ZNF292: variants seen among roughly 807,000 people sequenced by gnomAD.
ZNF292 encodes zinc finger protein 292, also known as 16 zinc-finger domain protein.
Under a neutral mutation model 217.9 loss-of-function variants are expected in ZNF292, and 26 were observed. The observed-to-expected ratio is 0.12, with a 90% CI of 0.09 to 0.17. The LOEUF (loss-of-function observed/expected upper bound fraction) is 0.17. Among genes scored for constraint, ZNF292 ranks in the 10% least tolerant of loss-of-function variants. The pLI, the probability that ZNF292 is intolerant of heterozygous loss-of-function variation, is 1.00. For missense variants in ZNF292, 2,904 were observed against 3,175.2 expected, an observed-to-expected ratio of 0.91 and a Z score of 2.05; for synonymous variants, 1,257 against 1,124.1, an observed-to-expected ratio of 1.12 and a Z score of -2.37.
At chr6:87,235,234 C>CAT (rs10690319) in intron 5 of ZNF292, among the ~76,000 whole-genome samples, 96,104 of 151,766 alleles carry the variant, frequency 0.63, 32,068 homozygotes, top group African/African-American at 0.86. Context: ...TCACCTTTGA[C>CAT]GTGTTGTAAC....
intron 1 of ZNF292, among the ~76,000 whole-genome samples, chr6:87,172,057 C>CT (rs1771116179): frequency 6.6e-6 from 1 of 152,190 alleles, no homozygotes; most frequent in Admixed American, 6.5e-5. Flanking sequence ...TGGGCAATCT[C>CT]TTTTTCTTCA....
At chr6:87,242,966 C>T (rs1337219320) in intron 5 of ZNF292, among the ~76,000 whole-genome samples, 2 of 151,974 alleles carry the variant, frequency 1.3e-5, no homozygotes, top group East Asian at 3.8e-4. Flanking sequence ...AAAAGTGGTA[C>T]AGTTACATAA....
At chr6:87,213,353 G>C (rs959245216) in intron 1 of ZNF292, among the ~76,000 whole-genome samples, 2 of 152,140 alleles carry the variant, frequency 1.3e-5, no homozygotes, top group Non-Finnish European at 2.9e-5. Flanking sequence ...TACTTTCTGC[G>C]GAAAGGGTGC....
chr6:87,224,529 A>G (rs1773244621), intron 4 of ZNF292, among the ~76,000 whole-genome samples: 2 of 151,834 alleles, frequency 1.3e-5, no homozygotes, highest in Non-Finnish European at 2.9e-5. Flanking sequence ...TCTATCTGCC[A>G]TCTCTATAGT....
At chr6:87,240,135 C>T (rs558036048) in intron 5 of ZNF292, among the ~76,000 whole-genome samples, 17 of 151,888 alleles carry the variant, frequency 1.1e-4, no homozygotes, top group South Asian at 4.2e-4. Flanking sequence ...AGATCACTCG[C>T]GGTTAGGAGC....
chr6:87,256,472 A>C lies in ZNF292; in HGVS notation c.2843A>C (p.Glu948Ala). Residue 948 changes from glutamate to alanine, a missense_variant, in exon 8 of 8, where the codon GAG becomes GCG. Coordinates refer to ENST00000369577, the MANE Select transcript of ZNF292 (RefSeq NM_015021.3). ...AAGGTGTCTCTCAATCAGGGGATTG[A>C]GGATAACTTTGGAAAGCAAGAAAAC... ...SIKVSLNQGI[E>A]DNFGKQENST... 2 of 1,609,698 alleles carry C rather than the reference A, an allele frequency of 1.2e-6. No individual in the cohort carries two copies. Among genetic ancestry groups the C allele is most frequent in the Non-Finnish European group, 1.7e-6 (2 of 1,179,810 alleles).
At chr6:87,192,732 G>A (rs1771854496) in intron 1 of ZNF292, among the ~76,000 whole-genome samples, 1 of 152,144 alleles carries the variant, frequency 6.6e-6, no homozygotes, top group Admixed American at 6.5e-5. Context: ...TCATGTGAAT[G>A]TTTCCATGAG....
chr6:87,190,327 G>C (rs1179752257), intron 1 of ZNF292, among the ~76,000 whole-genome samples: 1 of 152,148 alleles, frequency 6.6e-6, no homozygotes, highest in African/African-American at 2.4e-5. Context: ...TCTTAGAAGT[G>C]AATATTGTTA....
At chr6:87,174,445 T>C (rs1771214719) in intron 1 of ZNF292, 1 of 152,282 alleles carries the variant, frequency 6.6e-6, no homozygotes, top group Non-Finnish European at 1.5e-5. Flanking sequence ...AAGTAACTGC[T>C]GCAGAACAGT....
At chr6:87,201,399 G>A (rs893161434) in intron 1 of ZNF292, among the ~76,000 whole-genome samples, 2 of 152,052 alleles carry the variant, frequency 1.3e-5, no homozygotes, top group African/African-American at 4.8e-5. Flanking sequence ...AAAGTTTGTT[G>A]TTGTTGTTTT....
At chr6:87,172,758 T>C (rs1378828019) in intron 1 of ZNF292, among the ~76,000 whole-genome samples, 4 of 151,740 alleles carry the variant, frequency 2.6e-5, no homozygotes, top group African/African-American at 7.3e-5. Flanking sequence ...ATAAAAAATA[T>C]TAGCTGGGCG....
intron 1 of ZNF292, among the ~76,000 whole-genome samples, 181 bp downstream of exon 1, chr6:87,155,940 G>A (rs1355431140): frequency 5.9e-5 from 9 of 152,336 alleles, no homozygotes; most frequent in South Asian, 2.1e-4. Flanking sequence ...GGTTGTTGTC[G>A]TCTGCAGCTC....
rs1048864366 is a variant in ZNF292 at position 87,255,093 on chromosome 6, G to A, written c.1464G>A (p.Glu488=). 5 of 1,613,460 alleles carry A rather than the reference G, an allele frequency of 3.1e-6. No individual in the cohort carries two copies. The Admixed American group carries it at 5.0e-5, about 16-fold the overall frequency. Residue 488 remains glutamate, a synonymous_variant, in exon 8 of 8, where the codon GAG becomes GAA. Transcript: ENST00000369577. The part of the protein sequence containing the change: ...VYEKVVDYQE[E]SKETSMNGLS... ...AAAAAGTGGTAGACTACCAAGAAGAGAGTAAAGAAACTTCTATGAATGGGC... is the reference window on the plus strand; with the variant it reads ...AAAAAGTGGTAGACTACCAAGAAGAAAGTAAAGAAACTTCTATGAATGGGC...
At chr6:87,233,628 T>G in intron 5 of ZNF292, 101 bp downstream of exon 5, 1 of 1,484,126 alleles carries the variant, frequency 6.7e-7, no homozygotes, top group Non-Finnish European at 8.9e-7. Context: ...AGCGAAGAGA[T>G]CATTGTCAAT....
chr6:87,258,247 G>A lies in ZNF292; in HGVS notation c.4618G>A (p.Val1540Ile). The A allele has an allele frequency of 5.0e-6, 8 of 1,612,828 alleles. No homozygotes were observed. The highest frequency in any genetic ancestry group is 6.8e-6 in the Non-Finnish European group (8 of 1,179,524). ...AACTGTACCACCCCTGTTGCACACT[G>A]TATGCCATCCAAACACCTTGCTGAC... ...NPTVPPLLHT[V>I]CHPNTLLTNQ... The change falls in exon 8 of 8, where the codon GTA (valine) becomes ATA (isoleucine). Residue 1540 changes from valine to isoleucine, a missense_variant. By Grantham distance (29) the Val-to-Ile change is conservative. Around this residue, in one of 15 missense-constraint regions of ZNF292, gnomAD observed 622 missense variants for 573.1 expected, o/e 1.09. Transcript: ENST00000369577.
At chr6:87,186,108 T>C (rs997850532) in intron 1 of ZNF292, among the ~76,000 whole-genome samples, 6 of 152,210 alleles carry the variant, frequency 3.9e-5, no homozygotes, top group Admixed American at 3.9e-4. Flanking sequence ...GTCTCAACCT[T>C]GTAGTCATGC....
chr6:87,259,750 GA>G lies in ZNF292; in HGVS notation c.6126del (p.Lys2042AsnfsTer4). The G allele has an allele frequency of 6.2e-7, 1 of 1,602,954 alleles. No individual in the cohort carries two copies. The highest frequency in any genetic ancestry group is 8.5e-7 in the Non-Finnish European group (1 of 1,174,642). ...NTHSNVAVIP[E>X]KQLVEKKSPD... ...CCACAGTAATGTAGCAGTGATCCCA[GA>G]AAAACAACTTGTAGAAAAAAAAAGT... On this transcript the variant is annotated frameshift_variant, in exon 8 of 8. Transcript: ENST00000369577. LOFTEE classifies it high-confidence loss of function.
intron 1 of ZNF292, among the ~76,000 whole-genome samples, chr6:87,197,579 A>T (rs777031580): frequency 1.3e-5 from 2 of 149,308 alleles, no homozygotes; most frequent in African/African-American, 2.5e-5. Context: ...TACTAAAAAT[A>T]AAAAAAAATT....
chr6:87,238,355 A>G (rs1013238660), intron 5 of ZNF292, among the ~76,000 whole-genome samples: 1 of 151,986 alleles, frequency 6.6e-6, no homozygotes, highest in Non-Finnish European at 1.5e-5. Flanking sequence ...TCGTGGTGGC[A>G]CTAGCCTGTA....
Sources: allele counts gnomAD v4.1 joint callset (sites outside exome capture counted in the v4.1 genomes callset), GRCh38; gene constraint gnomAD v4.1.1; regional missense constraint gnomAD v4.1.1; transcripts MANE v1.5; gene names NCBI Gene and HGNC (gene_info 2026-07-23, HGNC 2026-07-21).